DNASE1: variants seen among roughly 807,000 people sequenced by gnomAD.
DNASE1 encodes the protein deoxyribonuclease 1.
In DNASE1, 40 loss-of-function variants were observed where a neutral mutation model predicts 33.9. The observed-to-expected ratio is 1.18, with a 90% confidence interval of 0.92 to 1.54. The LOEUF is 1.54. Among genes scored for constraint, DNASE1 ranks in the 40% most tolerant of loss-of-function variants. DNASE1 has a pLI of 0.00. For missense variants in DNASE1, 518 were observed against 372.6 expected (o/e 1.39, Z -3.21); for synonymous variants, 216 against 160.0 (o/e 1.35, Z -2.64).
upstream of DNASE1, chr16:3,651,729 G>C (rs1305409509): frequency 6.5e-6 from 1 of 152,782 alleles, no homozygotes; most frequent in South Asian, 2.1e-4. Flanking sequence ...CCCAGGACGA[G>C]GCCCAGGCAG....
chr16:3,636,962 A>G (rs1375752503), intron 1 of DNASE1, among the ~76,000 whole-genome samples: 1 of 151,794 alleles, frequency 6.6e-6, no homozygotes, highest in Non-Finnish European at 1.5e-5. Flanking sequence ...TGTCTCTACT[A>G]AAAATACAAA....
intron 1 of DNASE1, among the ~76,000 whole-genome samples, chr16:3,643,213 C>T (rs1218337196): frequency 6.6e-6 from 1 of 152,210 alleles, no homozygotes; most frequent in Non-Finnish European, 1.5e-5. Flanking sequence ...GCGGCTGGAC[C>T]TGAGGGGCCA....
intron 7 of DNASE1, 95 bp downstream of exon 7, chr16:3,657,436 C>A: frequency 6.7e-7 from 1 of 1,503,068 alleles, no homozygotes; most frequent in Non-Finnish European, 9.0e-7. Context: ...AGCCTTTGAA[C>A]ACTCACCCAA....
At chr16:3,659,332 CTCCATCCAGCAGCACTGGGATGACTGGGA>C (rs1344772865), downstream of DNASE1, 2 of 153,554 alleles carry the variant, frequency 1.3e-5, no homozygotes, top group African/African-American at 4.8e-5. Context: ...AGACAGATCA[CTCCATCCAGCAGCACTGGGATGACTGGGA>C]GCCATGCAGA....
chr16:3,637,539 C>T (rs1288113798), intron 1 of DNASE1, among the ~76,000 whole-genome samples: 1 of 152,154 alleles, frequency 6.6e-6, no homozygotes, highest in Non-Finnish European at 1.5e-5. Flanking sequence ...TTCTTTCCTG[C>T]CTGTGGAAGG....
rs757558787 is a variant in DNASE1 at position 3,655,851 on chromosome 16, C to T, written c.150C>T (p.Ile50=). The change falls in exon 3 of 9, where the codon ATC becomes ATT. Residue 50 remains isoleucine (I), a splice_region_variant and synonymous_variant. Coordinates refer to ENST00000246949, the MANE Select transcript of DNASE1 (RefSeq NM_005223.4). ...NATLVSYIVQ[I]LSRYDIALVQ... is the part of the protein sequence containing the mutation. ...CACCACTGTGGCCCTGCCCCCAGAT[C>T]CTGAGCCGCTATGACATCGCCCTGG... 5.6e-6 allele frequency: 9 copies of T among 1,613,700 alleles called. No homozygotes were observed. In the Admixed American group the frequency reaches 1.3e-4, roughly 24 times the overall value.
chr16:3,652,048 C>T (rs1171019888), upstream of DNASE1: 1 of 152,376 alleles, frequency 6.6e-6, no homozygotes, highest in Non-Finnish European at 1.5e-5. Flanking sequence ...CTGCCCTCAC[C>T]AAAGCCCGTC....
At chr16:3,618,026 A>G (rs544734251) in intron 1 of DNASE1, among the ~76,000 whole-genome samples, 101 of 151,656 alleles carry the variant, frequency 6.7e-4, no homozygotes, top group African/African-American at 2.4e-3. Context: ...TTACAACTCA[A>G]TGAAAAGACA....
At chr16:3,621,624 A>G (rs1437125184) in intron 1 of DNASE1, among the ~76,000 whole-genome samples, 2 of 152,222 alleles carry the variant, frequency 1.3e-5, no homozygotes, top group African/African-American at 2.4e-5. Flanking sequence ...TCGTTTTTGC[A>G]ACTTAATGAA....
intron 1 of DNASE1, among the ~76,000 whole-genome samples, chr16:3,629,212 G>A (rs1450073775): frequency 6.6e-6 from 1 of 150,962 alleles, no homozygotes; most frequent in African/African-American, 2.4e-5. Flanking sequence ...AAGCTTTCTC[G>A]GGTTTAACAA....
At chr16:3,615,859 G>A (rs552284249) in intron 1 of DNASE1, among the ~76,000 whole-genome samples, 2 of 152,256 alleles carry the variant, frequency 1.3e-5, no homozygotes, top group African/African-American at 2.4e-5. Flanking sequence ...TAAACAGTTG[G>A]GAGGATGAAT....
At chr16:3,615,953 A>C (rs570564903) in intron 1 of DNASE1, among the ~76,000 whole-genome samples, 11 of 152,202 alleles carry the variant, frequency 7.2e-5, no homozygotes, top group Non-Finnish European at 1.2e-4. Flanking sequence ...TTATCTTGAC[A>C]GGGGTTGGGG....
chr16:3,654,798 G>GACGGCTC lies in DNASE1; in HGVS notation c.-245_-239dup. The GACGGCTC allele has an allele frequency of 2.5e-6, 1 of 401,962 alleles. No homozygotes were observed. The highest frequency in any genetic ancestry group is 4.4e-6 in the Non-Finnish European group (1 of 228,456). The allele number at this position is 401,962 out of a possible 1,614,324, so 24.9% of individuals were successfully genotyped here. A position where few individuals can be genotyped will look rare whatever the true frequency, so the allele number is the denominator to read the frequency against. On this transcript the variant is annotated 5_prime_UTR_variant, in exon 1 of 9. The change abolishes the stop of an existing upstream ORF in the 5' untranslated region. Coordinates refer to ENST00000246949, the MANE Select transcript of DNASE1 (RefSeq NM_005223.4). ...GCCATTGTTTTCTGCACTCTCAGGT[G>GACGGCTC]ACGGCTCACATTTGCCCCAGGGAAG...
downstream of DNASE1, chr16:3,662,882 C>A (rs766679569): frequency 6.2e-7 from 1 of 1,613,504 alleles, no homozygotes; most frequent in Non-Finnish European, 8.5e-7. Context: ...AAAGCCTCAC[C>A]TTCACGTTGG....
rs1218029065 is a variant in DNASE1 at position 3,663,901 on chromosome 16, A to G, written c.*5948A>G. On this transcript the variant is annotated 3_prime_UTR_variant, in exon 10 of 10. Coordinates refer to the DNASE1 transcript ENST00000407479. Reference sequence around the variant, plus strand: ...AACATGGTGAAATGCCGTCTCTATTAAAAATACAAAAATTTGCTGGGTGTG... The same window carrying G: ...AACATGGTGAAATGCCGTCTCTATTGAAAATACAAAAATTTGCTGGGTGTG... 1.2e-4 allele frequency: 42 copies of G among 355,522 alleles called. No individual in the cohort carries two copies. In the Admixed American group the frequency reaches 1.8e-3, roughly 15 times the overall value. 22.0% of individuals were successfully genotyped at this position (355,522 alleles called of 1,614,324 possible). A position where few individuals can be genotyped will look rare whatever the true frequency, so the allele number is the denominator to read the frequency against.
rs2050779027 is a variant in DNASE1, at chr16:3,664,445, C to T, written c.*6492C>T. 1 of 1,611,110 alleles carries T rather than the reference C, an allele frequency of 6.2e-7. No individual in the cohort carries two copies. Among genetic ancestry groups the T allele is most frequent in the Non-Finnish European group, 8.5e-7 (1 of 1,178,946 alleles). On this transcript the variant is annotated 3_prime_UTR_variant, in exon 10 of 10. Transcript: ENST00000407479. ...GCGCCGAGGACTCGTAGCGCAGCAG[C>T]TTTGCTATGTCCTCCTAGAAGGGAC...
chr16:3,658,513 T>C (rs2042856646), downstream of DNASE1: 4 of 568,282 alleles, frequency 7.0e-6, no homozygotes, highest in South Asian at 4.2e-5. Context: ...GAAAACCCCA[T>C]CTCTACTAAA....
chr16:3,612,321 G>C (rs1460638972), intron 1 of DNASE1, among the ~76,000 whole-genome samples: 1 of 151,790 alleles, frequency 6.6e-6, no homozygotes, highest in East Asian at 1.9e-4. Context: ...CGCGATCTCG[G>C]CTCACTGCAA....
chr16:3,654,413 C>T (rs1045200369), upstream of DNASE1: 39 of 398,586 alleles, frequency 9.8e-5, 1 homozygote, highest in Admixed American at 2.2e-4. Flanking sequence ...GGAAGGCAGG[C>T]GTGTCCTGGG....
Sources: allele counts gnomAD v4.1 joint callset (sites outside exome capture counted in the v4.1 genomes callset), GRCh38; gene constraint gnomAD v4.1.1; transcripts MANE v1.5; gene names NCBI Gene and HGNC (gene_info 2026-07-23, HGNC 2026-07-21).